Variants in DISP3 observed in about 807,000 individuals in gnomAD.
The protein encoded by DISP3 is dispatched RND transporter family member 3, also known as protein dispatched homolog 3.
DISP3 carries 101 observed loss-of-function variants against 135.3 expected under a neutral mutation model. The ratio of observed to expected loss-of-function variants is 0.75; its 90% CI spans 0.64 to 0.88. The LOEUF is 0.88. DISP3 is among the 40% of genes least tolerant of loss of function. DISP3 has a pLI of 0.00. For synonymous variants in DISP3, 856 were observed against 817.0 expected (o/e 1.05, Z -0.81); for missense variants, 1,713 against 1,878.6 (o/e 0.91, Z 1.63).
chr1:11,500,269 C>T (rs904995347), intron 1 of DISP3, among the ~76,000 whole-genome samples: 1 of 152,274 alleles, frequency 6.6e-6, no homozygotes. Flanking sequence ...AGGCACCTAG[C>T]CCTGGCACAG....
rs1446959258 is a variant in DISP3, at chr1:11,524,054, G to A, written c.2475G>A (p.Gln825=). The change falls in exon 11 of 21, where the codon CAG becomes CAA. Residue 825 remains glutamine (Q), a splice_region_variant and synonymous_variant. Transcript: ENST00000294484. Reference sequence around the variant, plus strand: ...CTAGCCGGCCTGAGGCCACCCTGCAGGGTGAGCACTGGGGGTGGAGGGTGG... The same window carrying A: ...CTAGCCGGCCTGAGGCCACCCTGCAAGGTGAGCACTGGGGGTGGAGGGTGG... ...PWASRPEATL[Q]DFPGTVYISK... The A allele has an allele frequency of 1.2e-6, 2 of 1,605,968 alleles. No homozygotes were observed. The highest frequency in any genetic ancestry group is 3.3e-5 in the Admixed American group (2 of 59,986).
chr1:11,531,887 C>G lies in DISP3; in HGVS notation c.3375+177C>G, dbSNP rs1013396484. Among the ~76,000 whole-genome samples, 1 of 152,248 alleles carries G rather than the reference C, an allele frequency of 6.6e-6. No homozygotes were observed. Among genetic ancestry groups the G allele is most frequent in the Non-Finnish European group, 1.5e-5 (1 of 68,034 alleles). ...AGTGTCGAGTGTGAAACCAGACCGC[C>G]TAACTGCAGAGCTCTGCCCTTTCTT... On this transcript the variant is annotated intron_variant, in intron 17 of 20. Coordinates refer to ENST00000294484, the MANE Select transcript of DISP3 (RefSeq NM_020780.2). The surrounding 1 kb of genome is among the most constrained non-coding windows in gnomAD (Gnocchi z 5.2).
rs184657458 is a variant in DISP3 at position 11,531,066 on chromosome 1, G to A, written c.3229+33G>A. On this transcript the variant is annotated intron_variant, in intron 16 of 20. Coordinates refer to ENST00000294484, the MANE Select transcript of DISP3 (RefSeq NM_020780.2). The surrounding 1 kb of genome is among the most constrained non-coding windows in gnomAD (Gnocchi z 5.2). The stretch of plus-strand genomic sequence containing the variant: ...GGGTGTGGGGAGCTGGTTCCTCCGA[G>A]GGAGGATGGACTGACTGGGGAGGCA... 456 of 1,610,330 alleles carry A rather than the reference G, an allele frequency of 2.8e-4. 1 individual carries two copies. The African/African-American group carries it at 5.2e-3, about 18-fold the overall frequency.
intron 12 of DISP3, 57 bp downstream of exon 12, chr1:11,525,369 CA>C (rs1642384089): frequency 1.3e-6 from 2 of 1,568,700 alleles, no homozygotes; most frequent in Admixed American, 1.8e-5. Flanking sequence ...GGGGGGCTCT[CA>C]GGGCCACACT....
In DISP3 at chr1:11,520,680, C is replaced by G; in HGVS notation, c.2201-7C>G. ...GCCCCGCCTGGTGTAGCGCCCTTTCCTCACAGGGCTGTTCGTCTCCATCCT... is the reference window on the plus strand; with the variant it reads ...GCCCCGCCTGGTGTAGCGCCCTTTCGTCACAGGGCTGTTCGTCTCCATCCT... On this transcript the variant is annotated splice_polypyrimidine_tract_variant and splice_region_variant and intron_variant, in intron 9 of 20. Coordinates refer to ENST00000294484, the MANE Select transcript of DISP3 (RefSeq NM_020780.2). The surrounding 1 kb of genome is among the most constrained non-coding windows in gnomAD (Gnocchi z 4.8). 1 of 1,612,352 alleles carries G rather than the reference C, an allele frequency of 6.2e-7. No individual in the cohort carries two copies. The highest frequency in any genetic ancestry group is 8.5e-7 in the Non-Finnish European group (1 of 1,179,248).
At chr1:11,502,927 C>A in intron 3 of DISP3, 30 bp downstream of exon 3, 1 of 1,555,132 alleles carries the variant, frequency 6.4e-7, no homozygotes, top group Non-Finnish European at 8.8e-7. Flanking sequence ...CCTGTGTGTG[C>A]ATGCCCATTT....
At position 11,536,185 on chromosome 1, in the gene DISP3, A is replaced by G; in HGVS notation, c.3817-139A>G. Reference sequence around the variant, plus strand: ...CACCTACCTGGTTCCTACCCTCCCAACCCTGGGAGGCCACTTGCAGCTCTC... The same window carrying G: ...CACCTACCTGGTTCCTACCCTCCCAGCCCTGGGAGGCCACTTGCAGCTCTC... On this transcript the variant is annotated intron_variant, in intron 20 of 20. Coordinates refer to ENST00000294484, the MANE Select transcript of DISP3 (RefSeq NM_020780.2). The surrounding 1 kb of genome is among the most constrained non-coding windows in gnomAD (Gnocchi z 4.3). 14 of 1,287,368 alleles carry G rather than the reference A, an allele frequency of 1.1e-5. No individual in the cohort carries two copies. Among genetic ancestry groups the G allele is most frequent in the Non-Finnish European group, 1.5e-5 (14 of 963,218 alleles). The allele number at this position is 1,287,368 out of a possible 1,614,324, so 79.7% of individuals were successfully genotyped here.
At position 11,536,479 on chromosome 1, in the gene DISP3, C is replaced by T; in HGVS notation, c.3972C>T (p.Leu1324=). The T allele has an allele frequency of 6.2e-7, 1 of 1,613,560 alleles. No individual in the cohort carries two copies. The highest frequency in any genetic ancestry group is 8.5e-7 in the Non-Finnish European group (1 of 1,179,932). ...CCAAGTTCGGCAAGATTGTGGCACT[C>T]AACACGGGCGTGTCCATCCTCTACA... is the stretch of plus-strand genomic sequence containing the variant. ...PFAKFGKIVA[L]NTGVSILYTL... The change falls in exon 21 of 21, where the codon CTC becomes CTT. Residue 1324 remains leucine (L), a synonymous_variant. Transcript: ENST00000294484. The surrounding 1 kb of genome is among the most constrained non-coding windows in gnomAD (Gnocchi z 4.3).
At chr1:11,518,071 C>T (rs1328455534) in intron 7 of DISP3, among the ~76,000 whole-genome samples, 3 of 152,136 alleles carry the variant, frequency 2.0e-5, no homozygotes, top group Non-Finnish European at 4.4e-5. Context: ...CGGGTCAGTT[C>T]AGAGTTGCTG....
At chr1:11,522,750 A>ACCCAGCCAGAGCCCAGCCAGGG (rs1642263085) in intron 10 of DISP3, among the ~76,000 whole-genome samples, 7 of 25,262 alleles carry the variant, frequency 2.8e-4, no homozygotes, top group Non-Finnish European at 4.6e-4. Flanking sequence ...CCCAGCCAGG[A>ACCCAGCCAGAGCCCAGCCAGGG]CCCAGCCAGG....
chr1:11,510,553 T>C (rs768782471), intron 3 of DISP3, among the ~76,000 whole-genome samples: 3 of 152,166 alleles, frequency 2.0e-5, no homozygotes, highest in African/African-American at 2.4e-5. Context: ...CAATTATCTT[T>C]TAAAGAGATT....
Position 11,485,889 on chromosome 1 carries a change from G to A in DISP3, c.-4+6517G>A, listed in dbSNP as rs192331671. Among the ~76,000 whole-genome samples the A allele has an allele frequency of 3.3e-3, 504 of 152,244 alleles. 17 individuals are homozygous for A. Among genetic ancestry groups the A allele is most frequent in the Admixed American group, 0.031 (467 of 15,292 alleles). On this transcript the variant is annotated intron_variant, in intron 1 of 20. Transcript: ENST00000294484. Reference sequence around the variant, plus strand: ...TGGAGATGGGACCCAGCTGCCATGCGCACAAGGACTGAGCCCCACACTCTG... The same window carrying A: ...TGGAGATGGGACCCAGCTGCCATGCACACAAGGACTGAGCCCCACACTCTG...
Position 11,536,941 on chromosome 1 carries a change from C to G in DISP3, c.*255C>G. On this transcript the variant is annotated 3_prime_UTR_variant, in exon 21 of 21. Coordinates refer to ENST00000294484, the MANE Select transcript of DISP3 (RefSeq NM_020780.2). The surrounding 1 kb of genome is among the most constrained non-coding windows in gnomAD (Gnocchi z 4.3). ...GCTTTTTGCCCAGTGGCAGAAGAGA[C>G]CAGCCCTCCTCCCATGCCCGGTCAC... 1 of 552,256 alleles carries G rather than the reference C, an allele frequency of 1.8e-6. No homozygotes were observed. Among genetic ancestry groups the G allele is most frequent in the Non-Finnish European group, 3.2e-6 (1 of 314,892 alleles). 34.2% of individuals were successfully genotyped at this position (552,256 alleles called of 1,614,324 possible). A position where few individuals can be genotyped will look rare whatever the true frequency, so the allele number is the denominator to read the frequency against.
intron 10 of DISP3, among the ~76,000 whole-genome samples, chr1:11,523,413 C>T (rs550161580): frequency 1.5e-4 from 23 of 152,084 alleles, no homozygotes; most frequent in African/African-American, 4.6e-4. Flanking sequence ...CATCTCCACC[C>T]GACAGAGGCG....
rs765392206 is a variant in DISP3, at chr1:11,516,467, T to C, written c.1749+306T>C. Among the ~76,000 whole-genome samples, 7 of 152,176 alleles carry C rather than the reference T, an allele frequency of 4.6e-5. No individual in the cohort carries two copies. Among genetic ancestry groups the C allele is most frequent in the Non-Finnish European group, 1.0e-4 (7 of 68,038 alleles). Reference sequence around the variant, plus strand: ...CGTTTAATCTTCATTACCACGGTAATTGACAAAGGTACAATTACCATCCTA... The same window carrying C: ...CGTTTAATCTTCATTACCACGGTAACTGACAAAGGTACAATTACCATCCTA... On this transcript the variant is annotated intron_variant, in intron 6 of 20. Transcript: ENST00000294484. This position sits in a 1 kb window ranked among gnomAD's most constrained non-coding sequence, Gnocchi z 5.1.
chr1:11,519,612 A>G lies in DISP3; in HGVS notation c.2039-107A>G. On this transcript the variant is annotated intron_variant, in intron 8 of 20. Transcript: ENST00000294484. The surrounding 1 kb of genome is among the most constrained non-coding windows in gnomAD (Gnocchi z 4.3). Reference sequence around the variant, plus strand: ...GTCCTGAGGCTGGGGGCCGGACAAGATGGCCTGTGGGCTTCCTCACCAGGC... The same window carrying G: ...GTCCTGAGGCTGGGGGCCGGACAAGGTGGCCTGTGGGCTTCCTCACCAGGC... 1 of 1,571,198 alleles carries G rather than the reference A, an allele frequency of 6.4e-7. No homozygotes were observed. The highest frequency in any genetic ancestry group is 8.6e-7 in the Non-Finnish European group (1 of 1,157,462).
At chr1:11,530,770 G>C (rs1189225634) in intron 15 of DISP3, 137 bp from the exon 16 acceptor site, 1 of 1,204,140 alleles carries the variant, frequency 8.3e-7, no homozygotes, top group African/African-American at 1.5e-5. Context: ...TGGGTGAGCA[G>C]TTGCAGGCTG....
rs1642517928 is a variant in DISP3, at chr1:11,529,548, C to T, written c.2799-8C>T. On this transcript the variant is annotated splice_polypyrimidine_tract_variant and splice_region_variant and intron_variant, in intron 13 of 20. Transcript: ENST00000294484. The surrounding 1 kb of genome is among the most constrained non-coding windows in gnomAD (Gnocchi z 4.7). ...CCGGCCTCAGCCCAGCCTCCATTCC[C>T]TCCACAGGAAGCTGTACTTCGCCCA... 3 of 1,547,524 alleles carry T rather than the reference C, an allele frequency of 1.9e-6. No homozygotes were observed. Among genetic ancestry groups the T allele is most frequent in the Non-Finnish European group, 1.7e-6 (2 of 1,144,444 alleles).
In DISP3 at chr1:11,502,068, A is replaced by AGG; in HGVS notation, c.1077_1078dup (p.Asp360GlyfsTer14). ...AAGATCTACTATGACGGCATGGGCCAGGACCTGGCGGACATCCGGGGTGAG... is the reference window on the plus strand; with the variant it reads ...AAGATCTACTATGACGGCATGGGCCAGGGGACCTGGCGGACATCCGGGGTGAG... On this transcript the variant is annotated frameshift_variant, in exon 2 of 21. Coordinates refer to ENST00000294484, the MANE Select transcript of DISP3 (RefSeq NM_020780.2). LOFTEE classifies it high-confidence loss of function. 1 of 1,570,828 alleles carries AGG rather than the reference A, an allele frequency of 6.4e-7. No homozygotes were observed. The highest frequency in any genetic ancestry group is 8.6e-7 in the Non-Finnish European group (1 of 1,157,214).
Sources: allele counts gnomAD v4.1 joint callset (sites outside exome capture counted in the v4.1 genomes callset), GRCh38; gene constraint gnomAD v4.1.1; non-coding constraint Gnocchi (gnomAD v3.1); transcripts MANE v1.5; gene names NCBI Gene and HGNC (gene_info 2026-07-23, HGNC 2026-07-21).